LARGE1: variants seen among roughly 807,000 people sequenced by gnomAD.
LARGE1 encodes LARGE xylosyl- and glucuronyltransferase 1.
Under a neutral mutation model 87.6 loss-of-function variants are expected in LARGE1, and 43 were observed. The ratio of observed to expected loss-of-function variants is 0.49; its 90% CI spans 0.38 to 0.63. The LOEUF is 0.63. Among genes scored for constraint, LARGE1 ranks in the 30% least tolerant of loss-of-function variants. LARGE1 has a pLI of 0.00. For synonymous variants in LARGE1, 434 were observed against 394.6 expected (o/e 1.10, Z -1.18); for missense variants, 802 against 1,000.2 (o/e 0.80, Z 2.67).
At chr22:33,833,288 A>G (rs182378362) in intron 1 of LARGE1, among the ~76,000 whole-genome samples, 3 of 152,230 alleles carry the variant, frequency 2.0e-5, no homozygotes, top group Non-Finnish European at 2.9e-5. Context: ...CCTAAAATGC[A>G]TATGTTAAAG....
intron 11 of LARGE1, among the ~76,000 whole-genome samples, chr22:33,246,927 A>C (rs1033534160): frequency 6.6e-6 from 1 of 152,242 alleles, no homozygotes; most frequent in East Asian, 1.9e-4. Flanking sequence ...CAGTACACAT[A>C]AATTTTTTCT....
chr22:33,342,580 TGAG>T (rs1261061336), intron 9 of LARGE1, among the ~76,000 whole-genome samples: 1 of 152,130 alleles, frequency 6.6e-6, no homozygotes, highest in Admixed American at 6.5e-5. Context: ...ATTTTACAGA[TGAG>T]GAGAGTGAAA....
chr22:33,106,376 C>G, the LARGE1 span, among the ~76,000 whole-genome samples: 1 of 152,224 alleles, frequency 6.6e-6, no homozygotes, highest in Non-Finnish European at 1.5e-5. Flanking sequence ...ATGATCCGGA[C>G]AAGCTGCTCA....
intron 3 of LARGE1, among the ~76,000 whole-genome samples, chr22:33,633,373 C>T (rs1404339019): frequency 6.6e-6 from 1 of 152,282 alleles, no homozygotes; most frequent in East Asian, 1.9e-4. Context: ...TTAGGGCCAG[C>T]CTGGACTTGT....
intron 6 of LARGE1, among the ~76,000 whole-genome samples, chr22:33,461,912 C>T (rs1481225783): frequency 1.3e-5 from 2 of 152,054 alleles, no homozygotes; most frequent in Non-Finnish European, 2.9e-5. Flanking sequence ...CCTTAGAAGT[C>T]AATTATCCCT....
At chr22:33,297,979 C>CAAA (rs757656914) in intron 12 of LARGE1, among the ~76,000 whole-genome samples, 1,953 of 48,482 alleles carry the variant, frequency 0.04, 116 homozygotes, top group African/African-American at 0.12. Flanking sequence ...GACATCATCT[C>CAAA]AAAAAAAAAA....
At chr22:33,602,378 T>C (rs1001230936) in intron 5 of LARGE1, among the ~76,000 whole-genome samples, 8 of 152,172 alleles carry the variant, frequency 5.3e-5, no homozygotes, top group Admixed American at 3.9e-4. Flanking sequence ...CACATCATAA[T>C]GCATACCACT....
intron 1 of LARGE1, among the ~76,000 whole-genome samples, chr22:33,802,786 T>C (rs187590904): frequency 3.5e-4 from 53 of 152,194 alleles, no homozygotes; most frequent in Non-Finnish European, 5.4e-4. Context: ...CCCTAAACAA[T>C]ACCACCAGGG....
intron 6 of LARGE1, among the ~76,000 whole-genome samples, chr22:33,542,334 G>A (rs914772537): frequency 3.3e-5 from 5 of 151,910 alleles, no homozygotes; most frequent in African/African-American, 1.2e-4. Flanking sequence ...GAACTCTCAT[G>A]GGAACCCTGT....
At chr22:33,544,246 A>G (rs1335653510) in intron 6 of LARGE1, among the ~76,000 whole-genome samples, 1 of 152,188 alleles carries the variant, frequency 6.6e-6, no homozygotes, top group Non-Finnish European at 1.5e-5. Flanking sequence ...AATAAATCAT[A>G]TCTGTGAGTA....
At chr22:33,870,279 C>A (rs2064235855) in intron 1 of LARGE1, among the ~76,000 whole-genome samples, 2 of 152,176 alleles carry the variant, frequency 1.3e-5, no homozygotes, top group South Asian at 4.1e-4. Flanking sequence ...GCCCTGCCAA[C>A]ACAAAACTGG....
intron 6 of LARGE1, among the ~76,000 whole-genome samples, chr22:33,517,561 C>T (rs2071373324): frequency 6.6e-6 from 1 of 152,042 alleles, no homozygotes; most frequent in African/African-American, 2.4e-5. Context: ...TTAGCACCCG[C>T]CCGGCTAATT....
intron 11 of LARGE1, among the ~76,000 whole-genome samples, chr22:33,183,001 G>T (rs58776961): frequency 0.15 from 22,036 of 151,950 alleles, 1,650 homozygotes; most frequent in East Asian, 0.21. Context: ...CACAGTGTAG[G>T]AAACAGTCGA....
intron 1 of LARGE1, among the ~76,000 whole-genome samples, chr22:33,765,330 T>G (rs938180914): frequency 6.6e-5 from 10 of 152,168 alleles, no homozygotes; most frequent in African/African-American, 7.2e-5. Context: ...AATATTATGA[T>G]TATTTCTTTC....
At position 33,246,748 on chromosome 22, in the gene LARGE1, G is replaced by A. The variant is rs114490324; in HGVS notation, c.1730+57481C>T. 1.4e-3 allele frequency among the ~76,000 whole-genome samples: 214 copies of A among 152,262 alleles called. 1 individual carries two copies. The highest frequency in any genetic ancestry group is 4.9e-3 in the African/African-American group (202 of 41,570). On this transcript the variant is annotated intron_variant, in intron 11 of 11. Coordinates refer to the LARGE1 transcript ENST00000608642. ...CATTTGGATTAAACCACTGATAGGC[G>A]GAGTATGAATCAATTTCTCAAATAC...
chr22:33,818,252 T>A (rs1040192830), intron 1 of LARGE1, among the ~76,000 whole-genome samples: 2 of 152,144 alleles, frequency 1.3e-5, no homozygotes, highest in African/African-American at 4.8e-5. Flanking sequence ...ATTCAGGGCA[T>A]GGGTTAAAAT....
chr22:33,670,995 C>A (rs564750194), intron 2 of LARGE1, among the ~76,000 whole-genome samples: 17 of 152,050 alleles, frequency 1.1e-4, no homozygotes, highest in Non-Finnish European at 1.9e-4. Context: ...AATGTGAGAT[C>A]CTATGGTTGG....
the LARGE1 span, among the ~76,000 whole-genome samples, chr22:33,131,457 T>G: frequency 1.3e-5 from 2 of 152,192 alleles, no homozygotes; most frequent in African/African-American, 4.8e-5. Context: ...GTTCTCACGC[T>G]GCTAATAGAG....
At position 33,328,248 on chromosome 22, in the gene LARGE1, G is replaced by A. The variant is rs139000567; in HGVS notation, c.1287+9398C>T. Among the ~76,000 whole-genome samples the A allele has an allele frequency of 9.1e-4, 139 of 152,174 alleles. 2 individuals carry two copies. The highest frequency in any genetic ancestry group is 3.2e-3 in the African/African-American group (134 of 41,534). ...TACCGGCTTCAGCCCTGCCACCAAC[G>A]TGTTCTATGAATTCACCTCTCTGAG... On this transcript the variant is annotated intron_variant, in intron 10 of 14. Transcript: ENST00000397394.
Sources: allele counts gnomAD v4.1 joint callset (sites outside exome capture counted in the v4.1 genomes callset), GRCh38; gene constraint gnomAD v4.1.1; transcripts MANE v1.5; gene names NCBI Gene and HGNC (gene_info 2026-07-23, HGNC 2026-07-21).